Variants in AFF3 observed in about 807,000 individuals in gnomAD.
AFF3 encodes ALF transcription elongation factor 3, also known as AF4/FMR2 family member 3.
In AFF3, 32 loss-of-function variants were observed where a neutral mutation model predicts 129.7. The observed-to-expected ratio is 0.25, with a 90% CI of 0.19 to 0.33. The LOEUF is 0.33. Ranked by LOEUF, AFF3 falls within the 10% of genes least tolerant of loss-of-function variation. The pLI, the probability that AFF3 is intolerant of heterozygous loss-of-function variation, is 1.00. For missense variants in AFF3, 1,373 were observed against 1,592.0 expected, an observed-to-expected ratio of 0.86 and a Z score of 2.34; for synonymous variants, 644 against 635.4, an observed-to-expected ratio of 1.01 and a Z score of -0.20.
chr2:99,937,831 T>A (rs1362886591), intron 7 of AFF3, among the ~76,000 whole-genome samples: 4 of 152,228 alleles, frequency 2.6e-5, no homozygotes, highest in Admixed American at 6.5e-5. Flanking sequence ...GGGAAGAATG[T>A]CCTGGAACAT....
At chr2:100,054,802 C>T (rs917351767) in intron 4 of AFF3, among the ~76,000 whole-genome samples, 2 of 152,172 alleles carry the variant, frequency 1.3e-5, no homozygotes, top group Non-Finnish European at 2.9e-5. Context: ...CACTTGTACA[C>T]CTCTTAGAGA....
At chr2:99,588,008 CA>C (rs34481706) in intron 15 of AFF3, among the ~76,000 whole-genome samples, 2,309 of 106,838 alleles carry the variant, frequency 0.022, 43 homozygotes, top group Admixed American at 0.074. Context: ...GACTCCGTCT[CA>C]AAAAAAAAAA....
chr2:100,127,955 A>G (rs541187472), intron 2 of AFF3, among the ~76,000 whole-genome samples: 1 of 152,330 alleles, frequency 6.6e-6, no homozygotes, highest in African/African-American at 2.4e-5. Context: ...CGTTGCTGAT[A>G]AAACAGATTG....
intron 1 of AFF3, among the ~76,000 whole-genome samples, chr2:100,134,527 T>G (rs895414297): frequency 6.6e-6 from 1 of 152,220 alleles, no homozygotes; most frequent in Non-Finnish European, 1.5e-5. Context: ...TTTATTTTCA[T>G]TTATACTTTA....
At chr2:100,042,009 C>G (rs1427776010) in intron 4 of AFF3, among the ~76,000 whole-genome samples, 1 of 152,142 alleles carries the variant, frequency 6.6e-6, no homozygotes, top group East Asian at 1.9e-4. Flanking sequence ...CAACCCCTCA[C>G]ATCGCCTCCA....
chr2:99,815,448 C>T (rs967603304), intron 8 of AFF3, among the ~76,000 whole-genome samples: 6 of 152,188 alleles, frequency 3.9e-5, no homozygotes, highest in South Asian at 2.1e-4. Flanking sequence ...GCACAAGTCC[C>T]GGCTCCTGCC....
At chr2:99,803,507 C>T (rs895902156) in intron 8 of AFF3, among the ~76,000 whole-genome samples, 1 of 152,092 alleles carries the variant, frequency 6.6e-6, no homozygotes, top group African/African-American at 2.4e-5. Context: ...GACCATGTGG[C>T]TCAAAGCAAT....
chr2:99,754,055 T>C (rs943334465), intron 8 of AFF3, among the ~76,000 whole-genome samples: 6 of 152,142 alleles, frequency 3.9e-5, no homozygotes, highest in African/African-American at 1.4e-4. Context: ...CCCAGAGTGT[T>C]ACTACCCGAT....
At chr2:99,676,777 T>C (rs533880599) in intron 11 of AFF3, among the ~76,000 whole-genome samples, 1 of 152,174 alleles carries the variant, frequency 6.6e-6, no homozygotes, top group Admixed American at 6.5e-5. Flanking sequence ...GGGGAATATA[T>C]TTTGGCCTGT....
At chr2:99,614,382 T>C (rs555594090) in intron 13 of AFF3, among the ~76,000 whole-genome samples, 13 of 152,298 alleles carry the variant, frequency 8.5e-5, no homozygotes, top group African/African-American at 2.9e-4. Context: ...AACCAAAGAA[T>C]TCAAAGATCC....
chr2:99,958,641 G>A (rs1236044668), intron 7 of AFF3, among the ~76,000 whole-genome samples: 3 of 152,106 alleles, frequency 2.0e-5, no homozygotes, highest in South Asian at 2.1e-4. Flanking sequence ...CAATCTAAAT[G>A]GGGGACAGGG....
At chr2:99,753,671 G>A (rs1400009324) in intron 8 of AFF3, among the ~76,000 whole-genome samples, 6 of 152,264 alleles carry the variant, frequency 3.9e-5, no homozygotes, top group East Asian at 1.9e-4. Flanking sequence ...GTGGGAGGGC[G>A]AGTGTGTTCA....
chr2:99,648,065 T>C (rs766663153), intron 13 of AFF3, among the ~76,000 whole-genome samples: 2 of 152,224 alleles, frequency 1.3e-5, no homozygotes, highest in Non-Finnish European at 2.9e-5. Context: ...TAAATCCTTA[T>C]TTTCCTAAAA....
At chr2:99,766,720 C>A (rs1266254019) in intron 8 of AFF3, among the ~76,000 whole-genome samples, 2 of 152,134 alleles carry the variant, frequency 1.3e-5, no homozygotes, top group Non-Finnish European at 2.9e-5. Context: ...ATAGAGTTTT[C>A]TAGAAGACTG....
At chr2:99,999,856 C>T (rs1246762015) in intron 7 of AFF3, among the ~76,000 whole-genome samples, 1 of 152,188 alleles carries the variant, frequency 6.6e-6, no homozygotes, top group Non-Finnish European at 1.5e-5. Flanking sequence ...CCACACTCCT[C>T]GCTCTGCTCT....
chr2:99,930,484 T>A (rs909362414), intron 7 of AFF3, among the ~76,000 whole-genome samples: 24 of 152,254 alleles, frequency 1.6e-4, no homozygotes, highest in African/African-American at 5.8e-4. Flanking sequence ...AGAAGAAAAT[T>A]CTATAGTAGG....
At chr2:100,072,877 A>C (rs1176283648) in intron 4 of AFF3, among the ~76,000 whole-genome samples, 2 of 151,918 alleles carry the variant, frequency 1.3e-5, no homozygotes, top group African/African-American at 4.8e-5. Flanking sequence ...ACCTTAACTG[A>C]GTTCTTTGTT....
chr2:99,689,085 T>C (rs9789412), intron 11 of AFF3, among the ~76,000 whole-genome samples: 11,527 of 152,162 alleles, frequency 0.076, 496 homozygotes, highest in East Asian at 0.1. Flanking sequence ...TCTCAAGCTT[T>C]TCTTGGAATT....
At chr2:99,636,701 G>A (rs1196841865) in intron 13 of AFF3, among the ~76,000 whole-genome samples, 1 of 152,210 alleles carries the variant, frequency 6.6e-6, no homozygotes, top group Non-Finnish European at 1.5e-5. Context: ...GCCAGCAAGA[G>A]GACACGACGT....
Sources: allele counts gnomAD v4.1 joint callset (sites outside exome capture counted in the v4.1 genomes callset), GRCh38; gene constraint gnomAD v4.1.1; transcripts MANE v1.5; gene names NCBI Gene and HGNC (gene_info 2026-07-23, HGNC 2026-07-21).